Variants in SLC35D1 observed in about 807,000 individuals in gnomAD.
SLC35D1 encodes nucleotide sugar transporter SLC35D1.
In SLC35D1, 31 loss-of-function variants were observed where a neutral mutation model predicts 46.7. That is an observed-to-expected ratio of 0.66 (90% CI 0.50 to 0.90). The LOEUF (loss-of-function observed/expected upper bound fraction) is 0.90, where lower values mean the gene tolerates loss of function less well. Ranked by LOEUF, SLC35D1 falls within the 40% of genes least tolerant of loss-of-function variation. The pLI is 0.00. For missense variants in SLC35D1, 397 were observed against 426.2 expected, an observed-to-expected ratio of 0.93 and a Z score of 0.60; for synonymous variants, 195 against 164.6, an observed-to-expected ratio of 1.18 and a Z score of -1.41.
intron 6 of SLC35D1, among the ~76,000 whole-genome samples, chr1:67,049,090 C>T (rs1433257167): frequency 6.6e-6 from 1 of 152,076 alleles, no homozygotes; most frequent in Non-Finnish European, 1.5e-5. Context: ...GTCAGGAGAT[C>T]GAGACCATCC....
chr1:66,981,694 G>A, the SLC35D1 span: 96 of 1,047,928 alleles, frequency 9.2e-5, 1 homozygote, highest in South Asian at 1.5e-3. Flanking sequence ...GGATATATTT[G>A]TTAAGAAAGC....
intron 8 of SLC35D1, among the ~76,000 whole-genome samples, chr1:67,035,095 C>T (rs2815368): frequency 0.6 from 91,268 of 151,746 alleles, 28,884 homozygotes; most frequent in East Asian, 0.84. Context: ...GATTTCTCCA[C>T]TACTATTCAT....
At chr1:67,053,349 T>C (rs1255858549) in intron 1 of SLC35D1, among the ~76,000 whole-genome samples, 3 of 151,150 alleles carry the variant, frequency 2.0e-5, no homozygotes, top group Admixed American at 1.3e-4. Flanking sequence ...AAGGGAATAA[T>C]TGTCTGCTGG....
At chr1:67,006,401 T>G (rs974118764) in intron 11 of SLC35D1, among the ~76,000 whole-genome samples, 1 of 152,212 alleles carries the variant, frequency 6.6e-6, no homozygotes, top group Non-Finnish European at 1.5e-5. Flanking sequence ...GACAGTCAAT[T>G]TCCCTTTGCC....
chr1:66,992,141 C>T, the SLC35D1 span, among the ~76,000 whole-genome samples: 1 of 152,120 alleles, frequency 6.6e-6, no homozygotes, highest in East Asian at 1.9e-4. Context: ...GGATATATGG[C>T]CACAATAAAA....
In SLC35D1 at chr1:66,999,665, A is replaced by T. The variant is rs573015211; in HGVS notation, c.*4675T>A. ...CTAACCAGTAGATTTCTTTTTAAAA[A>T]GTATTTTTAAAGAACAAAGCTTTAA... On this transcript the variant is annotated 3_prime_UTR_variant, in exon 12 of 12. Transcript: ENST00000235345. The T allele has an allele frequency of 6.6e-6, 1 of 152,156 alleles. No individual in the cohort carries two copies. Among genetic ancestry groups the T allele is most frequent in the South Asian group, 2.1e-4 (1 of 4,802 alleles). 9.4% of individuals were successfully genotyped at this position (152,156 alleles called of 1,614,324 possible). A position where few individuals can be genotyped will look rare whatever the true frequency, so the allele number is the denominator to read the frequency against.
At chr1:67,017,165 A>T (rs1279954752) in intron 10 of SLC35D1, among the ~76,000 whole-genome samples, 1 of 152,188 alleles carries the variant, frequency 6.6e-6, no homozygotes, top group African/African-American at 2.4e-5. Flanking sequence ...CGCTATTCTT[A>T]TTACACTTTA....
chr1:66,976,185 G>A, the SLC35D1 span, among the ~76,000 whole-genome samples: 8 of 151,712 alleles, frequency 5.3e-5, no homozygotes, highest in Admixed American at 5.3e-4. Flanking sequence ...TGTATTTTTA[G>A]TAGAGATGGG....
chr1:66,976,587 T>C, the SLC35D1 span: 1 of 1,555,724 alleles, frequency 6.4e-7, no homozygotes, highest in East Asian at 2.3e-5. Flanking sequence ...AGCATTTGTT[T>C]CTTACAGGTC....
the SLC35D1 span, chr1:66,984,567 C>A: frequency 6.4e-7 from 1 of 1,568,010 alleles, no homozygotes; most frequent in Non-Finnish European, 8.6e-7. Context: ...TTTCTTTCAA[C>A]TTAGGAGTGT....
intron 11 of SLC35D1, among the ~76,000 whole-genome samples, chr1:67,006,301 G>C (rs768692900): frequency 5.3e-5 from 8 of 152,082 alleles, no homozygotes; most frequent in African/African-American, 9.7e-5. Context: ...TTCCCTGGTA[G>C]CTGGCCTGGA....
chr1:66,990,747 G>A, the SLC35D1 span, among the ~76,000 whole-genome samples: 2 of 152,170 alleles, frequency 1.3e-5, no homozygotes, highest in Non-Finnish European at 2.9e-5. Context: ...CAAAAGTAAC[G>A]GTTGTTTTTG....
intron 11 of SLC35D1, chr1:67,008,573 T>C: frequency 2.9e-6 from 2 of 692,420 alleles, no homozygotes; most frequent in South Asian, 1.9e-5. Context: ...TAAATCTACT[T>C]TATCTGCTCT....
chr1:67,009,149 T>G lies in SLC35D1; in HGVS notation c.895A>C (p.Ile299Leu), dbSNP rs1195750825. ...TAATCTCCACCAAAGACCATTCCAATATAAGTTATTAATATATTCTAAAAA... is the reference window on the plus strand; with the variant it reads ...TAATCTCCACCAAAGACCATTCCAAGATAAGTTATTAATATATTCTAAAAA... ...GCIKNILITY[I>L]GMVFGGDYIF... Residue 299 changes from isoleucine (I) to leucine (L), a missense_variant, in exon 11 of 12, where the codon ATT (isoleucine) becomes CTT (leucine). Coordinates refer to ENST00000235345, the MANE Select transcript of SLC35D1 (RefSeq NM_015139.3). The G allele has an allele frequency of 1.4e-6, 2 of 1,414,254 alleles. No individual in the cohort carries two copies. 87.6% of individuals were successfully genotyped at this position (1,414,254 alleles called of 1,614,324 possible). A position where few individuals can be genotyped will look rare whatever the true frequency, so the allele number is the denominator to read the frequency against.
chr1:67,008,535 G>T, intron 11 of SLC35D1: 1 of 1,065,198 alleles, frequency 9.4e-7, no homozygotes, highest in Non-Finnish European at 1.2e-6. Context: ...GGAACGTGCC[G>T]AACTGCTTCC....
At position 67,041,293 on chromosome 1, in the gene SLC35D1, G is replaced by A. The variant is rs187532052; in HGVS notation, c.729+943C>T. 3.5e-3 allele frequency among the ~76,000 whole-genome samples: 531 copies of A among 152,128 alleles called. 5 individuals are homozygous for A. The highest frequency in any genetic ancestry group is 5.9e-3 in the Non-Finnish European group (404 of 68,010). Reference sequence around the variant, plus strand: ...TCACAGTTCATTAAAACATTTACACGTATATTCAAGATGACCTGTACCAGT... The same window carrying A: ...TCACAGTTCATTAAAACATTTACACATATATTCAAGATGACCTGTACCAGT... On this transcript the variant is annotated intron_variant, in intron 8 of 11. Transcript: ENST00000235345.
chr1:67,030,143 G>A (rs1667989037), intron 8 of SLC35D1, among the ~76,000 whole-genome samples: 1 of 152,052 alleles, frequency 6.6e-6, no homozygotes, highest in African/African-American at 2.4e-5. Context: ...TCAGAAGCCT[G>A]GTGTCTTGTA....
At chr1:67,037,193 T>C (rs761240821) in intron 8 of SLC35D1, among the ~76,000 whole-genome samples, 1 of 152,142 alleles carries the variant, frequency 6.6e-6, no homozygotes. Context: ...GGGTTCATCT[T>C]TTTGTCTTTA....
intron 10 of SLC35D1, among the ~76,000 whole-genome samples, chr1:67,011,731 A>G (rs1386591477): frequency 6.6e-6 from 1 of 151,982 alleles, no homozygotes. Flanking sequence ...CAATCCACCC[A>G]CCTCAGCCTC....
Sources: gnomAD v4.1 joint callset for allele counts (sites outside exome capture counted in the v4.1 genomes callset) on GRCh38, gnomAD v4.1.1 for gene constraint, MANE v1.5 for transcripts, NCBI Gene and HGNC (gene_info 2026-07-23, HGNC 2026-07-21) for gene names.